PPP3CA: variants seen among roughly 807,000 people sequenced by gnomAD.
PPP3CA encodes the protein protein phosphatase 3 catalytic subunit alpha, also known as CAM-PRP catalytic subunit.
PPP3CA carries 14 observed loss-of-function variants against 66.5 expected under a neutral mutation model. That is an observed-to-expected ratio of 0.21 (90% CI 0.14 to 0.33). The LOEUF is 0.33. Ranked by LOEUF, PPP3CA falls within the 10% of genes least tolerant of loss-of-function variation. The pLI, the probability that PPP3CA is intolerant of heterozygous loss-of-function variation, is 1.00. For synonymous variants in PPP3CA, 232 were observed against 226.2 expected (o/e 1.03, Z -0.23); for missense variants, 317 against 639.5 (o/e 0.50, Z 5.44).
chr4:101,115,893 C>T (rs551732779), intron 2 of PPP3CA, among the ~76,000 whole-genome samples: 5 of 151,730 alleles, frequency 3.3e-5, no homozygotes, highest in Admixed American at 6.6e-5. Flanking sequence ...TTAAAGTTTA[C>T]GAAAATTAGG....
intron 1 of PPP3CA, among the ~76,000 whole-genome samples, chr4:101,303,598 T>C (rs996705620): frequency 4.6e-5 from 7 of 152,164 alleles, no homozygotes; most frequent in African/African-American, 1.7e-4. Context: ...TTTTAACAAA[T>C]AAAAATACAT....
intron 12 of PPP3CA, among the ~76,000 whole-genome samples, chr4:101,031,556 A>AGTTT (rs1726961341): frequency 6.6e-6 from 1 of 152,138 alleles, no homozygotes; most frequent in South Asian, 2.1e-4. Context: ...GAAAACGTTT[A>AGTTT]GTTTCTTGGT....
At position 101,026,063 on chromosome 4, in the gene PPP3CA, T is replaced by TAAAC. The variant is rs772403766; in HGVS notation, c.1370-6_1370-3dup. 10 of 1,579,198 alleles carry TAAAC rather than the reference T, an allele frequency of 6.3e-6. No individual in the cohort carries two copies. The highest frequency in any genetic ancestry group is 1.2e-5 in the South Asian group (1 of 86,612). On this transcript the variant is annotated splice_polypyrimidine_tract_variant and splice_region_variant and intron_variant, in intron 13 of 13. Coordinates refer to ENST00000394854, the MANE Select transcript of PPP3CA (RefSeq NM_000944.5). ...GTTGTGGTGAAAATCCTTTGATAGC[T>TAAAC]AAACAGAAAATCATTAAAAAAAGAA...
At chr4:101,237,139 G>A (rs1406484486) in intron 1 of PPP3CA, among the ~76,000 whole-genome samples, 1 of 149,430 alleles carries the variant, frequency 6.7e-6, no homozygotes, top group African/African-American at 2.5e-5. Flanking sequence ...TCCTTTATTA[G>A]CTCTCTTTTT....
intron 2 of PPP3CA, among the ~76,000 whole-genome samples, chr4:101,168,151 A>T (rs1723753502): frequency 6.6e-6 from 1 of 152,204 alleles, no homozygotes; most frequent in African/African-American, 2.4e-5. Flanking sequence ...CAGGGAATGG[A>T]GAAGTGATCA....
At chr4:101,214,766 C>A (rs778294068) in intron 1 of PPP3CA, among the ~76,000 whole-genome samples, 29 of 152,032 alleles carry the variant, frequency 1.9e-4, no homozygotes, top group Non-Finnish European at 3.8e-4. Flanking sequence ...CTGAAATAAT[C>A]AGTGATCAAA....
intron 1 of PPP3CA, among the ~76,000 whole-genome samples, chr4:101,343,683 C>T (rs1383853354): frequency 6.6e-6 from 1 of 152,110 alleles, no homozygotes; most frequent in Non-Finnish European, 1.5e-5. Flanking sequence ...ATAATCTAAA[C>T]AAATACTTTT....
chr4:101,303,617 A>G (rs1728447309), intron 1 of PPP3CA, among the ~76,000 whole-genome samples: 1 of 152,184 alleles, frequency 6.6e-6, no homozygotes, highest in African/African-American at 2.4e-5. Context: ...ATCTTTAACA[A>G]TTAACTTATA....
intron 1 of PPP3CA, among the ~76,000 whole-genome samples, chr4:101,239,822 A>C (rs1726243539): frequency 3.3e-5 from 5 of 151,976 alleles, no homozygotes; most frequent in Admixed American, 3.3e-4. Flanking sequence ...TTAGGTTCTC[A>C]ATTACATCAG....
chr4:101,315,058 C>T (rs1560713409), intron 1 of PPP3CA, among the ~76,000 whole-genome samples: 1 of 152,126 alleles, frequency 6.6e-6, no homozygotes, highest in Non-Finnish European at 1.5e-5. Context: ...AAACTTAATA[C>T]TCAATCTGAT....
chr4:101,102,519 A>C (rs572413516), intron 3 of PPP3CA, among the ~76,000 whole-genome samples: 197 of 152,288 alleles, frequency 1.3e-3, no homozygotes, highest in Non-Finnish European at 2.2e-3. Flanking sequence ...GTGGCATGGT[A>C]AATGAAAGGG....
intron 1 of PPP3CA, among the ~76,000 whole-genome samples, chr4:101,256,622 T>C (rs1726851527): frequency 6.6e-6 from 1 of 152,022 alleles, no homozygotes; most frequent in Non-Finnish European, 1.5e-5. Context: ...AGAAGTCTGA[T>C]GAAGTTAAAC....
At chr4:101,087,032 T>G (rs1302863169) in intron 6 of PPP3CA, among the ~76,000 whole-genome samples, 1 of 152,216 alleles carries the variant, frequency 6.6e-6, no homozygotes, top group Non-Finnish European at 1.5e-5. Context: ...GTCTCTTTGG[T>G]GTCCTTCTCC....
At chr4:101,043,453 A>C (rs990397476) in intron 10 of PPP3CA, among the ~76,000 whole-genome samples, 1 of 152,142 alleles carries the variant, frequency 6.6e-6, no homozygotes, top group African/African-American at 2.4e-5. Flanking sequence ...TTTTCAGATA[A>C]AATGAATGAT....
At chr4:101,343,082 T>C (rs1407367494) in intron 1 of PPP3CA, among the ~76,000 whole-genome samples, 1 of 152,124 alleles carries the variant, frequency 6.6e-6, no homozygotes, top group Non-Finnish European at 1.5e-5. Flanking sequence ...GCATTATCTA[T>C]AGTTTCTGAG....
intron 2 of PPP3CA, among the ~76,000 whole-genome samples, chr4:101,187,325 G>C (rs1724443992): frequency 6.6e-6 from 1 of 151,896 alleles, no homozygotes; most frequent in African/African-American, 2.4e-5. Flanking sequence ...TACAGAGGAG[G>C]AAAAAAGTCT....
chr4:101,110,263 C>T (rs1362850336), intron 2 of PPP3CA, among the ~76,000 whole-genome samples: 2 of 152,086 alleles, frequency 1.3e-5, no homozygotes, highest in South Asian at 2.1e-4. Flanking sequence ...CCTGCAATTA[C>T]AAGCAAGTTA....
chr4:101,261,765 T>C (rs1401315018), intron 1 of PPP3CA, among the ~76,000 whole-genome samples: 2 of 151,996 alleles, frequency 1.3e-5, no homozygotes, highest in East Asian at 1.9e-4. Flanking sequence ...AAATCAACTA[T>C]AAAATCATCA....
chr4:101,159,963 A>ACTG (rs1723449419), intron 2 of PPP3CA, among the ~76,000 whole-genome samples: 1 of 152,154 alleles, frequency 6.6e-6, no homozygotes, highest in Admixed American at 6.5e-5. Flanking sequence ...ACTATCTATA[A>ACTG]AATATTCTGT....
Sources: allele counts gnomAD v4.1 joint callset (sites outside exome capture counted in the v4.1 genomes callset), GRCh38; gene constraint gnomAD v4.1.1; transcripts MANE v1.5; gene names NCBI Gene and HGNC (gene_info 2026-07-23, HGNC 2026-07-21).